MMS19: variants seen among roughly 807,000 people sequenced by gnomAD.
The protein encoded by MMS19 is MMS19 cytosolic iron-sulfur assembly component.
MMS19 carries 77 observed loss-of-function variants against 129.8 expected under a neutral mutation model. That is an observed-to-expected ratio of 0.59 (90% CI 0.49 to 0.72). The LOEUF (loss-of-function observed/expected upper bound fraction) is 0.72, where lower values mean the gene tolerates loss of function less well. Ranked by LOEUF, MMS19 falls within the 30% of genes least tolerant of loss-of-function variation. The pLI, the probability that MMS19 is intolerant of heterozygous loss-of-function variation, is 0.00. For missense variants in MMS19, 1,168 were observed against 1,266.3 expected (o/e 0.92, Z 1.18); for synonymous variants, 491 against 502.8 (o/e 0.98, Z 0.31).
intron 3 of MMS19, chr10:97,480,506 A>G: frequency 2.7e-6 from 1 of 364,794 alleles, no homozygotes; most frequent in South Asian, 2.1e-5. Context: ...ATCTTTACCT[A>G]TGAAATACTG....
chr10:97,458,784 C>T lies in MMS19; in HGVS notation c.3065+16G>A, dbSNP rs374582449. ...CTCATCTTGGTCCCATCTCTCCCCA[C>T]GACCTAGAAACTCACCACTCCCCTC... On this transcript the variant is annotated intron_variant, in intron 30 of 30. Transcript: ENST00000438925. 2.9e-4 allele frequency: 462 copies of T among 1,613,622 alleles called. No individual in the cohort carries two copies. Among genetic ancestry groups the T allele is most frequent in the Non-Finnish European group, 3.7e-4 (441 of 1,179,724 alleles).
In MMS19 at chr10:97,464,691, A is replaced by AT. The variant is rs756050923; in HGVS notation, c.1757-679dup. 4.6e-3 allele frequency among the ~76,000 whole-genome samples: 634 copies of AT among 138,744 alleles called. 3 individuals carry two copies. The highest frequency in any genetic ancestry group is 0.014 in the East Asian group (68 of 4,802). The allele number at this position is 138,744 out of a possible 152,430, so 91.0% of individuals were successfully genotyped here. ...ATCCCACATGAAAATTACCTAGGTAATTTTTTTTTTTTTTTTTGGAGACAG... is the reference window on the plus strand; with the variant it reads ...ATCCCACATGAAAATTACCTAGGTAATTTTTTTTTTTTTTTTTTGGAGACAG... On this transcript the variant is annotated intron_variant, in intron 18 of 30. Transcript: ENST00000438925.
At chr10:97,465,430 A>G (rs2033244602) in intron 18 of MMS19, among the ~76,000 whole-genome samples, 1 of 152,174 alleles carries the variant, frequency 6.6e-6, no homozygotes, top group South Asian at 2.1e-4. Flanking sequence ...CAGCCTCCCC[A>G]GTAGCTGGGA....
At chr10:97,496,587 A>G (rs2039835056) in intron 1 of MMS19, among the ~76,000 whole-genome samples, 1 of 152,162 alleles carries the variant, frequency 6.6e-6, no homozygotes, top group Non-Finnish European at 1.5e-5. Flanking sequence ...AAGACATTCA[A>G]GATGTCTTTT....
In MMS19 at chr10:97,461,255, T is replaced by C. The variant is rs112152025; in HGVS notation, c.2311+241A>G. The C allele has an allele frequency of 1.7e-4, 106 of 610,616 alleles. 2 individuals carry two copies. The highest frequency in any genetic ancestry group is 1.7e-3 in the African/African-American group (92 of 54,246). The allele number at this position is 610,616 out of a possible 1,614,324, so 37.8% of individuals were successfully genotyped here. On this transcript the variant is annotated intron_variant, in intron 23 of 30. Transcript: ENST00000438925. ...AGAATTATCCACACTAGCCCCACTG[T>C]AGGGAGTAGGACGGCAGAACTAGAC...
intron 6 of MMS19, 169 bp from the exon 7 acceptor site, chr10:97,477,132 C>A: frequency 6.7e-7 from 1 of 1,488,184 alleles, no homozygotes; most frequent in Non-Finnish European, 8.9e-7. Flanking sequence ...ACAATATACA[C>A]ATTGCTGTGG....
chr10:97,485,375 T>A (rs775173922), intron 1 of MMS19, among the ~76,000 whole-genome samples: 7 of 152,038 alleles, frequency 4.6e-5, no homozygotes, highest in Non-Finnish European at 1.0e-4. Context: ...TGCAATGGTA[T>A]GATCTTGGCT....
chr10:97,467,453 A>G, intron 14 of MMS19, 52 bp downstream of exon 14: 1 of 1,392,824 alleles, frequency 7.2e-7, no homozygotes, highest in Non-Finnish European at 1.0e-6. Flanking sequence ...TATCCTTTAT[A>G]GGCTGAAGTG....
chr10:97,461,775 G>A (rs113227734), intron 22 of MMS19, 53 bp downstream of exon 22: 37 of 1,571,076 alleles, frequency 2.4e-5, no homozygotes, highest in African/African-American at 1.2e-4. Flanking sequence ...ATTTCAGCCC[G>A]GAGTCACCTT....
At chr10:97,466,946 C>T in intron 14 of MMS19, 45 bp from the exon 15 acceptor site, 1 of 1,610,782 alleles carries the variant, frequency 6.2e-7, no homozygotes, top group Non-Finnish European at 8.5e-7. Context: ...CCACTGCATT[C>T]CATATCCCTG....
At chr10:97,465,561 TC>T (rs1417732620) in intron 18 of MMS19, among the ~76,000 whole-genome samples, 2 of 152,282 alleles carry the variant, frequency 1.3e-5, no homozygotes, top group East Asian at 3.8e-4. Flanking sequence ...GGCCTCGGCC[TC>T]CCAAAGTGCT....
At chr10:97,464,958 C>T (rs1329109611) in intron 18 of MMS19, among the ~76,000 whole-genome samples, 2 of 152,142 alleles carry the variant, frequency 1.3e-5, no homozygotes, top group Non-Finnish European at 2.9e-5. Flanking sequence ...TCAGCCTTGG[C>T]CTCCCAAAGT....
At chr10:97,482,440 C>T (rs889404853) in intron 2 of MMS19, among the ~76,000 whole-genome samples, 1 of 152,004 alleles carries the variant, frequency 6.6e-6, no homozygotes, top group Admixed American at 6.6e-5. Context: ...ACAAAGGTCA[C>T]GTGTGTGATT....
At position 97,459,882 on chromosome 10, in the gene MMS19, G is replaced by T. The variant is rs143326461; in HGVS notation, c.2657-141C>A. 5,691 of 965,528 alleles carry T rather than the reference G, an allele frequency of 5.9e-3. 47 individuals carry two copies. The highest frequency in any genetic ancestry group is 0.025 in the South Asian group (1,505 of 61,028). The allele number at this position is 965,528 out of a possible 1,614,324, so 59.8% of individuals were successfully genotyped here. A position where few individuals can be genotyped will look rare whatever the true frequency, so the allele number is the denominator to read the frequency against. On this transcript the variant is annotated intron_variant, in intron 26 of 30. Coordinates refer to ENST00000438925, the MANE Select transcript of MMS19 (RefSeq NM_022362.5). Reference sequence around the variant, plus strand: ...TTCACGCTCAGAATAAGCAAGATACGCCCATGAAAGGAAGAAGTGGGACAA... The same window carrying T: ...TTCACGCTCAGAATAAGCAAGATACTCCCATGAAAGGAAGAAGTGGGACAA...
At position 97,460,897 on chromosome 10, in the gene MMS19, A is replaced by C. The variant is rs1227456771; in HGVS notation, c.2412+10T>G. 1.3e-6 allele frequency: 2 copies of C among 1,570,600 alleles called. No homozygotes were observed. The highest frequency in any genetic ancestry group is 2.3e-5 in the South Asian group (2 of 85,692). On this transcript the variant is annotated intron_variant, in intron 24 of 30. Transcript: ENST00000438925. ...TCTCTGGCTAACCAGACTCCACTCC[A>C]ACTCCTTACCCAGAGAAGAAGAGTG...
intron 25 of MMS19, 22 bp downstream of exon 25, chr10:97,460,673 T>TCTGTCTCCAGAAAGGACGTACC (rs1564616329): frequency 6.4e-7 from 1 of 1,574,208 alleles, no homozygotes; most frequent in East Asian, 2.3e-5. Context: ...CCTGGGTTCT[T>TCTGTCTCCAGAAAGGACGTACC]CTGTCTCCAG....
At chr10:97,481,973 G>A (rs1055453387) in intron 2 of MMS19, among the ~76,000 whole-genome samples, 14 of 152,138 alleles carry the variant, frequency 9.2e-5, no homozygotes, top group South Asian at 2.1e-4. Context: ...CCCGGCAGTC[G>A]TGACCAGCCT....
chr10:97,461,810 C>T lies in MMS19; in HGVS notation c.2184+18G>A, dbSNP rs1391962013. The T allele has an allele frequency of 6.2e-7, 1 of 1,603,414 alleles. No homozygotes were observed. The highest frequency in any genetic ancestry group is 1.3e-5 in the African/African-American group (1 of 74,850). ...TGTCAAGGTTAAATAACAGTACTTC[C>T]CAAATGTGCTCACTTACATTTCGAG... On this transcript the variant is annotated intron_variant, in intron 22 of 30. Transcript: ENST00000438925.
At chr10:97,469,343 T>C (rs1195995349) in intron 11 of MMS19, among the ~76,000 whole-genome samples, 3 of 152,246 alleles carry the variant, frequency 2.0e-5, no homozygotes, top group Non-Finnish European at 2.9e-5. Flanking sequence ...GCAGTGGCTC[T>C]GCTCACCTTT....
Sources: gnomAD v4.1 joint callset for allele counts (sites outside exome capture counted in the v4.1 genomes callset) on GRCh38, gnomAD v4.1.1 for gene constraint, MANE v1.5 for transcripts, NCBI Gene and HGNC (gene_info 2026-07-23, HGNC 2026-07-21) for gene names.